The following CASZ1 variants were observed in gnomAD, a reference collection of about 807,000 sequenced individuals.
CASZ1 encodes zinc finger protein castor homolog 1.
A neutral mutation model predicts 135.2 loss-of-function variants in CASZ1; 28 were observed. The observed-to-expected ratio is 0.21, with a 90% CI of 0.15 to 0.28. The LOEUF (loss-of-function observed/expected upper bound fraction) is 0.28, where lower values mean the gene tolerates loss of function less well. Ranked by LOEUF, CASZ1 falls within the 10% of genes least tolerant of loss-of-function variation. The pLI is 1.00. For synonymous variants in CASZ1, 1,068 were observed against 1,073.4 expected (o/e 0.99, Z 0.10); for missense variants, 2,161 against 2,453.3 (o/e 0.88, Z 2.52).
At position 10,647,103 on chromosome 1, in the gene CASZ1, G is replaced by T; in HGVS notation, c.3497+698C>A. ...TGAGCTGCTACTCTGGGGAGGAGGA[G>T]GGGGAGGGGAGGCTGGTGGGGGGGA... is the stretch of plus-strand genomic sequence containing the variant. On this transcript the variant is annotated intron_variant, in intron 16 of 20. Coordinates refer to ENST00000377022, the MANE Select transcript of CASZ1 (RefSeq NM_001079843.3). The surrounding 1 kb of genome is among the most constrained non-coding windows in gnomAD (Gnocchi z 4.9). The T allele has an allele frequency of 2.8e-6, 1 of 357,986 alleles. No individual in the cohort carries two copies. The highest frequency in any genetic ancestry group is 3.9e-6 in the Non-Finnish European group (1 of 255,932). The allele number at this position is 357,986 out of a possible 1,614,324, so 22.2% of individuals were successfully genotyped here.
chr1:10,652,910 C>T (rs747878067), intron 11 of CASZ1: 10 of 176,802 alleles, frequency 5.7e-5, no homozygotes, highest in Non-Finnish European at 8.4e-5. Context: ...CTGGGAAGGG[C>T]GTCCCTGGGC....
rs748638395 is a variant in CASZ1 at position 10,755,087 on chromosome 1, C to G, written c.-77+5614G>C. ...GGTGGTGAGTGGAAGGGGAGCGACCCCCAGGCCTGAAGGGCAGAGAGCAAG... is the reference window on the plus strand; with the variant it reads ...GGTGGTGAGTGGAAGGGGAGCGACCGCCAGGCCTGAAGGGCAGAGAGCAAG... On this transcript the variant is annotated intron_variant, in intron 2 of 20. Transcript: ENST00000377022. This position sits in a 1 kb window ranked among gnomAD's most constrained non-coding sequence, Gnocchi z 4.3. 1.3e-5 allele frequency among the ~76,000 whole-genome samples: 2 copies of G among 152,216 alleles called. No homozygotes were observed. Among genetic ancestry groups the G allele is most frequent in the Non-Finnish European group, 2.9e-5 (2 of 68,040 alleles).
chr1:10,659,536 C>A (rs1053084401), intron 6 of CASZ1, among the ~76,000 whole-genome samples, 166 bp downstream of exon 6: 1 of 152,184 alleles, frequency 6.6e-6, no homozygotes. Context: ...TGTGTGGAAG[C>A]GCATGGATGG....
intron 14 of CASZ1, 38 bp downstream of exon 14, chr1:10,649,244 CG>C (rs761224056): frequency 1.0e-4 from 166 of 1,607,226 alleles, no homozygotes; most frequent in Non-Finnish European, 1.2e-4. Context: ...AGGGCGGGTG[CG>C]GGGGGACGAT....
At chr1:10,789,052 C>G (rs1476077328) in intron 1 of CASZ1, among the ~76,000 whole-genome samples, 2 of 152,174 alleles carry the variant, frequency 1.3e-5, no homozygotes, top group African/African-American at 4.8e-5. Flanking sequence ...CCTCCTCTAA[C>G]CCTACCCCCA....
At position 10,639,138 on chromosome 1, in the gene CASZ1, T is replaced by C; in HGVS notation, c.5084A>G (p.Glu1695Gly). 2.7e-6 allele frequency: 3 copies of C among 1,108,208 alleles called. No homozygotes were observed. The highest frequency in any genetic ancestry group is 2.2e-6 in the Non-Finnish European group (2 of 894,672). The allele number at this position is 1,108,208 out of a possible 1,614,324, so 68.6% of individuals were successfully genotyped here. The part of the protein sequence containing the change: ...PEEEAEDDED[E>G]DDDEDDDDED... ...GTCGTCGTCGTCCTCGTCGTCGTCCTCGTCCTCGTCGTCTTCGGCCTCCTC... is the reference window on the plus strand; with the variant it reads ...GTCGTCGTCGTCCTCGTCGTCGTCCCCGTCCTCGTCGTCTTCGGCCTCCTC... The change falls in exon 21 of 21, where the codon GAG (glutamate) becomes GGG (glycine). Residue 1695 changes from glutamate (E) to glycine (G), a missense_variant. By Grantham distance (98) the Glu-to-Gly change is moderately conservative (BLOSUM62 -2). Transcript: ENST00000377022. This position sits in a 1 kb window ranked among gnomAD's most constrained non-coding sequence, Gnocchi z 4.0.
In CASZ1 at chr1:10,720,403, T is replaced by A. The variant is rs1480388247; in HGVS notation, c.-76-14859A>T. Among the ~76,000 whole-genome samples the A allele has an allele frequency of 2.0e-5, 3 of 152,172 alleles. No homozygotes were observed. The highest frequency in any genetic ancestry group is 7.2e-5 in the African/African-American group (3 of 41,450). On this transcript the variant is annotated intron_variant, in intron 2 of 20. Coordinates refer to ENST00000377022, the MANE Select transcript of CASZ1 (RefSeq NM_001079843.3). This position sits in a 1 kb window ranked among gnomAD's most constrained non-coding sequence, Gnocchi z 5.7. ...GTGATGGCAGAGAGACTGGCAGCACTGACCAGCCCTCCCACTGTGCTCCCC... is the reference window on the plus strand; with the variant it reads ...GTGATGGCAGAGAGACTGGCAGCACAGACCAGCCCTCCCACTGTGCTCCCC...
chr1:10,717,100 C>T lies in CASZ1; in HGVS notation c.-76-11556G>A, dbSNP rs1030941864. 1.4e-4 allele frequency among the ~76,000 whole-genome samples: 21 copies of T among 152,338 alleles called. No individual in the cohort carries two copies. The highest frequency in any genetic ancestry group is 1.0e-3 in the Admixed American group (16 of 15,298). On this transcript the variant is annotated intron_variant, in intron 2 of 20. Transcript: ENST00000377022. The surrounding 1 kb of genome is among the most constrained non-coding windows in gnomAD (Gnocchi z 4.6). ...GAGGGACAGGAGCAGGAGGGACAGA[C>T]GGCCAGCGAGGACACTGGGGAGGGC...
chr1:10,693,571 AACAAAAACCCC>A (rs972796937), intron 4 of CASZ1, among the ~76,000 whole-genome samples: 1 of 151,210 alleles, frequency 6.6e-6, no homozygotes, highest in African/African-American at 2.4e-5. Context: ...AAACACGGAG[AACAAAAACCCC>A]ACAAAAACCC....
chr1:10,706,396 G>T lies in CASZ1; in HGVS notation c.-76-852C>A, dbSNP rs1639173947. The stretch of plus-strand genomic sequence containing the variant: ...CTCAAGCCAGGCCCTGCCCCTGCAG[G>T]CCTCAGAACCCTATCCAGGCTTGGG... On this transcript the variant is annotated intron_variant, in intron 2 of 20. Transcript: ENST00000377022. This position sits in a 1 kb window ranked among gnomAD's most constrained non-coding sequence, Gnocchi z 4.3. Among the ~76,000 whole-genome samples the T allele has an allele frequency of 2.0e-5, 3 of 152,302 alleles. No individual in the cohort carries two copies. Among genetic ancestry groups the T allele is most frequent in the Admixed American group, 2.0e-4 (3 of 15,306 alleles).
chr1:10,653,217 A>G, intron 11 of CASZ1, 160 bp downstream of exon 11: 6 of 791,084 alleles, frequency 7.6e-6, no homozygotes, highest in Non-Finnish European at 1.3e-5. Context: ...AGAAACCAAC[A>G]GGATGGGGGC....
intron 5 of CASZ1, chr1:10,660,962 T>G: frequency 1.0e-5 from 2 of 198,074 alleles, no homozygotes; most frequent in South Asian, 8.4e-5. Flanking sequence ...CGTGGGCCAG[T>G]GGGCAGCTGG....
intron 7 of CASZ1, 93 bp from the exon 8 acceptor site, chr1:10,656,829 CT>C: frequency 1.3e-6 from 1 of 795,192 alleles, no homozygotes; most frequent in Non-Finnish European, 2.1e-6. Context: ...TCTTCGGGCC[CT>C]GTATGGGATG....
chr1:10,777,688 TCA>T lies in CASZ1; in HGVS notation c.-233-16833_-233-16832del, dbSNP rs1037702401. 2.0e-5 allele frequency among the ~76,000 whole-genome samples: 3 copies of T among 147,778 alleles called. No homozygotes were observed. The highest frequency in any genetic ancestry group is 2.2e-4 in the South Asian group (1 of 4,646). ...ACCACACACCATCTCACACACAATC[TCA>T]CACACACCATCTCATACAAAATCAC... On this transcript the variant is annotated intron_variant, in intron 1 of 20. Transcript: ENST00000377022. The surrounding 1 kb of genome is among the most constrained non-coding windows in gnomAD (Gnocchi z 4.4).
chr1:10,771,585 G>A (rs1489046710), intron 1 of CASZ1, among the ~76,000 whole-genome samples: 3 of 151,944 alleles, frequency 2.0e-5, no homozygotes, highest in South Asian at 4.2e-4. Flanking sequence ...TATTGTAAAC[G>A]TAGACTTTTA....
Position 10,646,807 on chromosome 1 carries a change from C to T in CASZ1, c.3498-481G>A, listed in dbSNP as rs1380181300. ...GCCACAGGCCCTTAGCAAGCAGGAG[C>T]GCGTGCCTGGTGTCAGCTCCTGGGG... is the stretch of plus-strand genomic sequence containing the variant. On this transcript the variant is annotated intron_variant, in intron 16 of 20. Transcript: ENST00000377022. The surrounding 1 kb of genome is among the most constrained non-coding windows in gnomAD (Gnocchi z 6.4). Among the ~76,000 whole-genome samples, 1 of 152,186 alleles carries T rather than the reference C, an allele frequency of 6.6e-6. No individual in the cohort carries two copies. Among genetic ancestry groups the T allele is most frequent in the Non-Finnish European group, 1.5e-5 (1 of 68,026 alleles).
At chr1:10,718,314 A>C (rs1639432347) in intron 2 of CASZ1, among the ~76,000 whole-genome samples, 1 of 152,242 alleles carries the variant, frequency 6.6e-6, no homozygotes, top group Non-Finnish European at 1.5e-5. Flanking sequence ...TCGGCAGCCC[A>C]GGCCCTGCGC....
rs552762855 is a variant in CASZ1 at position 10,756,438 on chromosome 1, C to T, written c.-77+4263G>A. Among the ~76,000 whole-genome samples, 6 of 152,254 alleles carry T rather than the reference C, an allele frequency of 3.9e-5. No individual in the cohort carries two copies. The highest frequency in any genetic ancestry group is 1.4e-4 in the African/African-American group (6 of 41,468). On this transcript the variant is annotated intron_variant, in intron 2 of 20. Coordinates refer to ENST00000377022, the MANE Select transcript of CASZ1 (RefSeq NM_001079843.3). The surrounding 1 kb of genome is among the most constrained non-coding windows in gnomAD (Gnocchi z 5.9). ...AATACGTTGCCAGCAAGGGCAAGTG[C>T]TCACGCGAGCCCGGCAGCCGGCTGT...
At position 10,637,091 on chromosome 1, in the gene CASZ1, C is replaced by G. The variant is rs1341603060; in HGVS notation, c.*1851G>C. The G allele has an allele frequency of 2.0e-5, 3 of 152,394 alleles. No individual in the cohort carries two copies. The highest frequency in any genetic ancestry group is 2.9e-5 in the Non-Finnish European group (2 of 68,022). 9.4% of individuals were successfully genotyped at this position (152,394 alleles called of 1,614,324 possible). ...TATGAAGTTTACAAAAGGCTAGACTCCGCACTGTCGGCATCTTCTTCTTTT... is the reference window on the plus strand; with the variant it reads ...TATGAAGTTTACAAAAGGCTAGACTGCGCACTGTCGGCATCTTCTTCTTTT... On this transcript the variant is annotated 3_prime_UTR_variant, in exon 21 of 21. Transcript: ENST00000377022.
Sources: allele counts gnomAD v4.1 joint callset (sites outside exome capture counted in the v4.1 genomes callset), GRCh38; gene constraint gnomAD v4.1.1; non-coding constraint Gnocchi (gnomAD v3.1); transcripts MANE v1.5; gene names NCBI Gene and HGNC (gene_info 2026-07-23, HGNC 2026-07-21).